AP2B1: variants seen among roughly 807,000 people sequenced by gnomAD.
The protein encoded by AP2B1 is adaptor related protein complex 2 subunit beta 1, also known as AP-2 complex subunit beta.
AP2B1 carries 23 observed loss-of-function variants against 102.0 expected under a neutral mutation model. The observed-to-expected ratio is 0.23, with a 90% CI of 0.16 to 0.32. The LOEUF (loss-of-function observed/expected upper bound fraction) is 0.32, where lower values mean the gene tolerates loss of function less well. AP2B1 is among the 10% of genes least tolerant of loss of function. AP2B1 has a pLI of 1.00. For synonymous variants in AP2B1, 381 were observed against 421.2 expected (o/e 0.90, Z 1.17); for missense variants, 541 against 1,157.4 (o/e 0.47, Z 7.73).
chr17:35,684,364 G>T (rs763951243), intron 18 of AP2B1, among the ~76,000 whole-genome samples: 25 of 152,180 alleles, frequency 1.6e-4, no homozygotes, highest in Non-Finnish European at 2.9e-4. Flanking sequence ...GTCAAGACAG[G>T]TGGGATCCCA....
intron 17 of AP2B1, among the ~76,000 whole-genome samples, chr17:35,677,771 C>T (rs1382832104): frequency 6.6e-6 from 1 of 151,474 alleles, no homozygotes; most frequent in Admixed American, 6.6e-5. Context: ...TCTTTAATTT[C>T]TTTTTGCAAT....
Position 35,604,196 on chromosome 17 carries a change from A to G in AP2B1, c.144-1509A>G, listed in dbSNP as rs143754137. ...GTTCGTGGCTCACTGCAGCCTCCGCATCCCAGGCTCAAGTGATCCTCCCAC... is the reference window on the plus strand; with the variant it reads ...GTTCGTGGCTCACTGCAGCCTCCGCGTCCCAGGCTCAAGTGATCCTCCCAC... On this transcript the variant is annotated intron_variant, in intron 3 of 21. Transcript: ENST00000610402. 8.5e-3 allele frequency among the ~76,000 whole-genome samples: 1,290 copies of G among 152,030 alleles called. 11 individuals are homozygous for G. The highest frequency in any genetic ancestry group is 0.026 in the African/African-American group (1,066 of 41,458).
chr17:35,720,545 T>TTATATATATATATA (rs1213888032), intron 21 of AP2B1, among the ~76,000 whole-genome samples: 22 of 54,372 alleles, frequency 4.0e-4, no homozygotes, highest in African/African-American at 9.1e-4. Context: ...TTTATTTTAT[T>TTATATATATATATA]TATATATATA....
intron 18 of AP2B1, among the ~76,000 whole-genome samples, chr17:35,703,706 G>A (rs886104240): frequency 6.6e-6 from 1 of 152,126 alleles, no homozygotes; most frequent in Non-Finnish European, 1.5e-5. Flanking sequence ...GAAGGGAGAG[G>A]ATCAGGAAAA....
intron 9 of AP2B1, among the ~76,000 whole-genome samples, chr17:35,629,656 C>T (rs1002972435): frequency 7.9e-5 from 12 of 152,284 alleles, no homozygotes; most frequent in African/African-American, 2.9e-4. Context: ...TAAAGTGCAG[C>T]TCGTTTCTGT....
intron 18 of AP2B1, among the ~76,000 whole-genome samples, chr17:35,687,677 A>G (rs1446243439): frequency 6.6e-6 from 1 of 152,076 alleles, no homozygotes; most frequent in Non-Finnish European, 1.5e-5. Flanking sequence ...GAGAATCTCA[A>G]GTAGCTGGGA....
intron 13 of AP2B1, among the ~76,000 whole-genome samples, chr17:35,655,654 T>C (rs1396258981): frequency 6.6e-6 from 1 of 152,254 alleles, no homozygotes; most frequent in Non-Finnish European, 1.5e-5. Flanking sequence ...CTTGGGCATA[T>C]ACCTAGGAGT....
chr17:35,710,185 T>C, intron 19 of AP2B1, 49 bp from the exon 20 acceptor site: 1 of 1,341,592 alleles, frequency 7.5e-7, no homozygotes, highest in East Asian at 2.3e-5. Flanking sequence ...AAAATCAGAA[T>C]ACTGACAGCT....
rs1478506061 is a variant in AP2B1, at chr17:35,724,501, A to G, written c.*802A>G. The G allele has an allele frequency of 6.6e-6, 1 of 152,176 alleles. No homozygotes were observed. Among genetic ancestry groups the G allele is most frequent in the African/African-American group, 2.4e-5 (1 of 41,442 alleles). 9.4% of individuals were successfully genotyped at this position (152,176 alleles called of 1,614,324 possible). ...TCCCCTGAACAAACCTGCTAATCCC[A>G]CTAATTCAGGAATTTGAGTAGAGAT... is the stretch of plus-strand genomic sequence containing the variant. On this transcript the variant is annotated 3_prime_UTR_variant, in exon 22 of 22. Coordinates refer to ENST00000610402, the MANE Select transcript of AP2B1 (RefSeq NM_001030006.2).
Position 35,692,277 on chromosome 17 carries a change from A to C in AP2B1, c.2454+9453A>C, listed in dbSNP as rs587727939. Reference sequence around the variant, plus strand: ...TGAGAAAGGATAATGAATTTCACACAGTAGTTCTAAAATAGTAATAAAAGT... The same window carrying C: ...TGAGAAAGGATAATGAATTTCACACCGTAGTTCTAAAATAGTAATAAAAGT... On this transcript the variant is annotated intron_variant, in intron 18 of 21. Coordinates refer to ENST00000610402, the MANE Select transcript of AP2B1 (RefSeq NM_001030006.2). Among the ~76,000 whole-genome samples the C allele has an allele frequency of 2.6e-5, 4 of 152,364 alleles. No homozygotes were observed. In the East Asian group the frequency reaches 7.7e-4, roughly 29 times the overall value.
chr17:35,653,091 CA>C (rs2075129989), intron 13 of AP2B1, among the ~76,000 whole-genome samples: 1 of 152,150 alleles, frequency 6.6e-6, no homozygotes, highest in African/African-American at 2.4e-5. Flanking sequence ...TTGGTTGTAT[CA>C]AAAGGTTCAA....
intron 21 of AP2B1, 146 bp from the exon 22 acceptor site, chr17:35,723,479 T>C (rs1029441601): frequency 5.1e-5 from 31 of 605,586 alleles, no homozygotes; most frequent in Non-Finnish European, 8.8e-5. Context: ...ACAGCACTTA[T>C]TAACATAATC....
intron 5 of AP2B1, among the ~76,000 whole-genome samples, chr17:35,614,771 A>C (rs1464179596): frequency 1.3e-5 from 2 of 151,578 alleles, no homozygotes; most frequent in African/African-American, 4.8e-5. Context: ...CAAAAGTTGT[A>C]GTTAAACTTC....
intron 18 of AP2B1, 76 bp from the exon 19 acceptor site, chr17:35,709,148 T>C: frequency 7.7e-7 from 1 of 1,305,870 alleles, no homozygotes; most frequent in Admixed American, 1.7e-5. Context: ...GGCCTATTTC[T>C]AGACACAGCG....
intron 17 of AP2B1, among the ~76,000 whole-genome samples, chr17:35,679,809 G>A (rs2075778749): frequency 6.6e-6 from 1 of 151,944 alleles, no homozygotes; most frequent in African/African-American, 2.4e-5. Context: ...AATGAGTGAT[G>A]TGAATTCTCA....
chr17:35,680,261 T>C (rs1174141451), intron 17 of AP2B1, among the ~76,000 whole-genome samples: 1 of 152,216 alleles, frequency 6.6e-6, no homozygotes, highest in Non-Finnish European at 1.5e-5. Flanking sequence ...TTCCATCATG[T>C]GGCTATTTAG....
Position 35,608,072 on chromosome 17 carries a change from T to C in AP2B1, c.280-70T>C. 3.2e-6 allele frequency: 5 copies of C among 1,566,928 alleles called. No individual in the cohort carries two copies. In the South Asian group the frequency reaches 5.8e-5, roughly 18 times the overall value. ...ATTAATGAGGTAATTCTTTTGCAGC[T>C]TACATAAACTGGACTGTTTACTTTT... On this transcript the variant is annotated intron_variant, in intron 4 of 21. Transcript: ENST00000610402.
intron 12 of AP2B1, among the ~76,000 whole-genome samples, chr17:35,644,397 A>C (rs1330644560): frequency 1.3e-5 from 2 of 152,194 alleles, no homozygotes; most frequent in Non-Finnish European, 2.9e-5. Flanking sequence ...CCTTTTTTCA[A>C]GACTGAGTCT....
chr17:35,689,086 A>T (rs2142997175), intron 18 of AP2B1, among the ~76,000 whole-genome samples: 1 of 152,346 alleles, frequency 6.6e-6, no homozygotes, highest in Admixed American at 6.5e-5. Context: ...ATCCATGGTT[A>T]ATATCATTTA....
Sources: gnomAD v4.1 joint callset for allele counts (sites outside exome capture counted in the v4.1 genomes callset) on GRCh38, gnomAD v4.1.1 for gene constraint, MANE v1.5 for transcripts, NCBI Gene and HGNC (gene_info 2026-07-23, HGNC 2026-07-21) for gene names.